Variants in SLC47A2 observed in about 807,000 individuals in gnomAD.
The protein encoded by SLC47A2 is multidrug and toxin extrusion protein 2.
SLC47A2 carries 52 observed loss-of-function variants against 67.7 expected under a neutral mutation model. That is an observed-to-expected ratio of 0.77 (90% CI 0.61 to 0.97). The LOEUF (loss-of-function observed/expected upper bound fraction) is 0.97, where lower values mean the gene tolerates loss of function less well. Among genes scored for constraint, SLC47A2 ranks in the 50% least tolerant of loss-of-function variants. The probability of loss-of-function intolerance (pLI) is 0.00; values close to 1 mark genes in which losing one functional copy is unlikely to be tolerated. For synonymous variants in SLC47A2, 278 were observed against 292.9 expected (o/e 0.95, Z 0.52); for missense variants, 676 against 712.3 (o/e 0.95, Z 0.58).
rs2085904211 is a variant in SLC47A2 at position 19,705,420 on chromosome 17, C to G, written c.909+16G>C. The G allele has an allele frequency of 6.2e-7, 1 of 1,605,966 alleles. No individual in the cohort carries two copies. The highest frequency in any genetic ancestry group is 8.5e-7 in the Non-Finnish European group (1 of 1,176,400). On this transcript the variant is annotated intron_variant, in intron 10 of 16. Coordinates refer to ENST00000433844, the MANE Select transcript of SLC47A2 (RefSeq NM_001099646.3). ...AGGTGGGGGATGTGGGGAAGGCACCCCTGCAGGAGCCTTACCATGTAGGTC... is the reference window on the plus strand; with the variant it reads ...AGGTGGGGGATGTGGGGAAGGCACCGCTGCAGGAGCCTTACCATGTAGGTC...
At chr17:19,681,800 C>T in intron 13 of SLC47A2, 130 bp from the exon 14 acceptor site, 1 of 1,113,570 alleles carries the variant, frequency 9.0e-7, no homozygotes. Context: ...TGGATGGGTG[C>T]CCTTATCTCC....
Position 19,705,486 on chromosome 17 carries a change from C to A in SLC47A2, c.859G>T (p.Asp287Tyr). The change falls in exon 10 of 17, where the codon GAT becomes TAT. Residue 287 changes from aspartate to tyrosine, a missense_variant. Asp to Tyr is a radical substitution (Grantham distance 160). Coordinates refer to ENST00000433844, the MANE Select transcript of SLC47A2 (RefSeq NM_001099646.3). The part of the protein sequence containing the change: ...SFLMGLLSVV[D>Y]LSAQAVIYEV... ...TAGATGACAGCCTGGGCAGAGAGAT[C>A]CACCACACTGAGCAGCCCTAGAGAA... 6.2e-7 allele frequency: 1 copy of A among 1,610,856 alleles called. No individual in the cohort carries two copies. Among genetic ancestry groups the A allele is most frequent in the African/African-American group, 1.3e-5 (1 of 74,984 alleles).
chr17:19,696,233 A>T (rs1426445161), intron 13 of SLC47A2, among the ~76,000 whole-genome samples: 1 of 149,802 alleles, frequency 6.7e-6, no homozygotes, highest in Middle Eastern at 3.2e-3. Flanking sequence ...TGGGCAGATC[A>T]TGAGATCAGG....
intron 7 of SLC47A2, 77 bp downstream of exon 7, chr17:19,708,225 C>A (rs1222428731): frequency 3.9e-6 from 6 of 1,533,140 alleles, no homozygotes; most frequent in Non-Finnish European, 5.4e-6. Flanking sequence ...AGGATGGTGA[C>A]TGATCTGTCT....
At chr17:19,694,064 T>G (rs932057806) in intron 13 of SLC47A2, among the ~76,000 whole-genome samples, 1 of 152,138 alleles carries the variant, frequency 6.6e-6, no homozygotes, top group African/African-American at 2.4e-5. Context: ...TGGGATAAAT[T>G]TAACAAAAGA....
At chr17:19,681,801 C>T (rs1326208793) in intron 13 of SLC47A2, 131 bp from the exon 14 acceptor site, 1 of 1,117,036 alleles carries the variant, frequency 9.0e-7, no homozygotes, top group East Asian at 2.5e-5. Flanking sequence ...GGATGGGTGC[C>T]CTTATCTCCC....
At position 19,711,362 on chromosome 17, in the gene SLC47A2, C is replaced by A. The variant is rs74498707; in HGVS notation, c.486+1341G>T. ...ATCCCAGCACTTTGGGAGGTGGAAG[C>A]GAGTGGATCACCTGAGGTCAGGAGT... On this transcript the variant is annotated intron_variant, in intron 5 of 16. Coordinates refer to ENST00000433844, the MANE Select transcript of SLC47A2 (RefSeq NM_001099646.3). Among the ~76,000 whole-genome samples, 291 of 150,964 alleles carry A rather than the reference C, an allele frequency of 1.9e-3. 5 individuals are homozygous for A. The highest frequency in any genetic ancestry group is 6.6e-4 in the Non-Finnish European group (45 of 67,710).
intron 5 of SLC47A2, among the ~76,000 whole-genome samples, chr17:19,711,537 G>A (rs532585037): frequency 2.6e-3 from 360 of 138,160 alleles, no homozygotes; most frequent in Middle Eastern, 9.3e-3. Flanking sequence ...TGCAGTGAGC[G>A]GAGATCGTAC....
Position 19,679,998 on chromosome 17 carries a change from C to T in SLC47A2, c.1434G>A (p.Glu478=), listed in dbSNP as rs1483793128. 1 of 1,613,992 alleles carries T rather than the reference C, an allele frequency of 6.2e-7. No homozygotes were observed. Among genetic ancestry groups the T allele is most frequent in the African/African-American group, 1.3e-5 (1 of 75,010 alleles). ...HSGRQQQQRA[E]STATRPGPEK... Reference sequence around the variant, plus strand: ...CAGGCCCAGGTCTGGTTGCAGTGCTCTCTGCTCTCTGCTGCTGCTGCCGGC... The same window carrying T: ...CAGGCCCAGGTCTGGTTGCAGTGCTTTCTGCTCTCTGCTGCTGCTGCCGGC... The change falls in exon 16 of 17, where the codon GAG becomes GAA. Residue 478 remains glutamate, a synonymous_variant. Transcript: ENST00000433844.
At chr17:19,692,096 T>G (rs1217998036) in intron 13 of SLC47A2, among the ~76,000 whole-genome samples, 1 of 151,700 alleles carries the variant, frequency 6.6e-6, no homozygotes, top group Non-Finnish European at 1.5e-5. Context: ...GATGTGGTGG[T>G]GGGCACCTGT....
At chr17:19,710,367 G>A (rs1312747434) in intron 5 of SLC47A2, among the ~76,000 whole-genome samples, 2 of 152,172 alleles carry the variant, frequency 1.3e-5, no homozygotes, top group Non-Finnish European at 2.9e-5. Context: ...AAAAATTTTA[G>A]TTGGATTAAT....
rs978413280 is a variant in SLC47A2, at chr17:19,712,736, C to G, written c.453G>C (p.Gln151His). 6.2e-7 allele frequency: 1 copy of G among 1,612,906 alleles called. No individual in the cohort carries two copies. Among genetic ancestry groups the G allele is most frequent in the African/African-American group, 1.3e-5 (1 of 74,898 alleles). ...RQDPDVSRLT[Q>H]DYVMIFIPGL... ...CTGGAATGAAAATCATTACATAGTC[C>G]TGGGTCAACCTGCAAGAGAGGGAGA... The change falls in exon 5 of 17, where the codon CAG becomes CAC. Residue 151 changes from glutamine to histidine, a missense_variant. Transcript: ENST00000433844.
rs75970676 is a variant in SLC47A2 at position 19,702,250 on chromosome 17, A to G, written c.1164+355T>C. ...AGAAATGTCCCTCTGTGCTGGCAAC[A>G]GGATATGGTTGCCATTCAGCTCCTG... On this transcript the variant is annotated intron_variant, in intron 13 of 16. Coordinates refer to ENST00000433844, the MANE Select transcript of SLC47A2 (RefSeq NM_001099646.3). The G allele has an allele frequency of 6.9e-4, 683 of 985,388 alleles. 14 individuals carry two copies. The East Asian group carries it at 0.048, about 70-fold the overall frequency. 61.0% of individuals were successfully genotyped at this position (985,388 alleles called of 1,614,324 possible). A position where few individuals can be genotyped will look rare whatever the true frequency, so the allele number is the denominator to read the frequency against.
chr17:19,695,955 C>T (rs1455602394), intron 13 of SLC47A2, among the ~76,000 whole-genome samples: 1 of 151,582 alleles, frequency 6.6e-6, no homozygotes, highest in Non-Finnish European at 1.5e-5. Context: ...GAACTCCTGA[C>T]CTCAGGTGAT....
chr17:19,718,333 C>A (rs975982321), upstream of SLC47A2: 1 of 152,316 alleles, frequency 6.6e-6, no homozygotes, highest in Non-Finnish European at 1.5e-5. Context: ...AGGGAGCCCA[C>A]ACGTGGAGGT....
At position 19,685,286 on chromosome 17, in the gene SLC47A2, C is replaced by G. The variant is rs867150035; in HGVS notation, c.1165-3616G>C. 6.6e-6 allele frequency among the ~76,000 whole-genome samples: 1 copy of G among 152,108 alleles called. No individual in the cohort carries two copies. The highest frequency in any genetic ancestry group is 1.5e-5 in the Non-Finnish European group (1 of 68,032). On this transcript the variant is annotated intron_variant, in intron 13 of 16. Transcript: ENST00000433844. The surrounding 1 kb of genome is among the most constrained non-coding windows in gnomAD (Gnocchi z 4.5). ...GCCACCCCATCTAGGAAGTGAGCAG[C>G]GTCTCTGCTTGGCTGCCCATCGTCT...
intron 11 of SLC47A2, among the ~76,000 whole-genome samples, chr17:19,703,586 T>G (rs1179858009): frequency 6.6e-6 from 1 of 152,182 alleles, no homozygotes; most frequent in Non-Finnish European, 1.5e-5. Flanking sequence ...GGGAAGCCGG[T>G]CTGAGCCTTC....
At chr17:19,699,534 ACCCCGCCT>A (rs2085740114) in intron 13 of SLC47A2, among the ~76,000 whole-genome samples, 1 of 151,104 alleles carries the variant, frequency 6.6e-6, no homozygotes, top group Non-Finnish European at 1.5e-5. Flanking sequence ...GTGTGTGCCA[ACCCCGCCT>A]CCCCGCCGAC....
rs926863945 is a variant in SLC47A2 at position 19,681,812 on chromosome 17, T to C, written c.1165-142A>G. 6.7e-6 allele frequency: 7 copies of C among 1,045,422 alleles called. No individual in the cohort carries two copies. In the Admixed American group the frequency reaches 1.4e-4, roughly 21 times the overall value. The allele number at this position is 1,045,422 out of a possible 1,614,324, so 64.8% of individuals were successfully genotyped here. ...CACTGGATGGGTGCCCTTATCTCCCTTTCTTCCCTGAGGGTGGCTGTCCAA... is the reference window on the plus strand; with the variant it reads ...CACTGGATGGGTGCCCTTATCTCCCCTTCTTCCCTGAGGGTGGCTGTCCAA... On this transcript the variant is annotated intron_variant, in intron 13 of 16. Transcript: ENST00000433844.
Sources: gnomAD v4.1 joint callset for allele counts (sites outside exome capture counted in the v4.1 genomes callset) on GRCh38, gnomAD v4.1.1 for gene constraint, Gnocchi (gnomAD v3.1) non-coding constraint, MANE v1.5 for transcripts, NCBI Gene and HGNC (gene_info 2026-07-23, HGNC 2026-07-21) for gene names.